SCOC: variants seen among roughly 807,000 people sequenced by gnomAD.
The protein encoded by SCOC is short coiled-coil protein, also known as short coiled coil protein.
In SCOC, 7 loss-of-function variants were observed where a neutral mutation model predicts 9.9. That is an observed-to-expected ratio of 0.71 (90% CI 0.40 to 1.33). The LOEUF (loss-of-function observed/expected upper bound fraction) is 1.33, where lower values mean the gene tolerates loss of function less well. SCOC is among the 40% of genes most tolerant of loss of function. The pLI is 0.01. For missense variants in SCOC, 66 were observed against 89.7 expected (o/e 0.74, Z 1.07); for synonymous variants, 19 against 28.2 (o/e 0.67, Z 1.03).
Position 140,297,659 on chromosome 4 carries a change from A to G in SCOC, c.-19+40249A>G, listed in dbSNP as rs181860341. 2.6e-5 allele frequency among the ~76,000 whole-genome samples: 4 copies of G among 152,350 alleles called. No homozygotes were observed. The East Asian group carries it at 7.7e-4, about 29-fold the overall frequency. ...AACTGATTTATTAATACATCAAGGAATAAGTGACTAATAAGGTGAACATTA... is the reference window on the plus strand; with the variant it reads ...AACTGATTTATTAATACATCAAGGAGTAAGTGACTAATAAGGTGAACATTA... On this transcript the variant is annotated intron_variant, in intron 1 of 4. Transcript: ENST00000394205.
intron 3 of SCOC, among the ~76,000 whole-genome samples, chr4:140,380,408 C>T (rs1728527094): frequency 6.6e-6 from 1 of 151,854 alleles, no homozygotes; most frequent in African/African-American, 2.4e-5. Context: ...CTATGTTGGC[C>T]AGGCTGGTCT....
chr4:140,374,363 C>T (rs1578882196), intron 1 of SCOC: 1 of 337,200 alleles, frequency 3.0e-6, no homozygotes, highest in Non-Finnish European at 5.9e-6. Context: ...TATTACGCAA[C>T]AATAAGGACA....
intron 1 of SCOC, among the ~76,000 whole-genome samples, chr4:140,295,934 A>G (rs1262593854): frequency 6.7e-6 from 1 of 149,894 alleles, no homozygotes; most frequent in East Asian, 2.0e-4. Context: ...CCGTCTCAAA[A>G]AAAAAAAAAA....
chr4:140,328,370 T>G (rs1732712446), intron 1 of SCOC, among the ~76,000 whole-genome samples: 1 of 152,158 alleles, frequency 6.6e-6, no homozygotes, highest in Admixed American at 6.6e-5. Flanking sequence ...AGCAAATTGA[T>G]GAACACAACC....
upstream of SCOC, among the ~76,000 whole-genome samples, chr4:140,370,042 G>A (rs559282037): frequency 2.0e-5 from 3 of 151,874 alleles, no homozygotes; most frequent in East Asian, 1.9e-4. Flanking sequence ...GCTGAGTCAT[G>A]CAAGAGCTGC....
chr4:140,373,693 C>T lies in SCOC; in HGVS notation c.-75C>T, dbSNP rs1315460752. ...GCCTGAGGTGTCGGCCGGATCCCTC[C>T]TTCTCCCGGCGCCTCAAGCGGAAGG... On this transcript the variant is annotated 5_prime_UTR_variant, in exon 1 of 4. Transcript: ENST00000608372. 3.9e-6 allele frequency: 6 copies of T among 1,549,666 alleles called. No homozygotes were observed. The highest frequency in any genetic ancestry group is 1.2e-5 in the South Asian group (1 of 84,016).
chr4:140,332,359 CTTTTTTTTTTTTTTTTTTTT>C (rs70943486), intron 1 of SCOC, among the ~76,000 whole-genome samples: 28,666 of 79,776 alleles, frequency 0.36, 4,232 homozygotes, highest in African/African-American at 0.53. Flanking sequence ...CTGGAGTCAT[CTTTTTTTTTTTTTTTTTTTT>C]TTTTTTTTTT....
At chr4:140,298,145 G>A (rs1252904436) in intron 1 of SCOC, among the ~76,000 whole-genome samples, 2 of 152,240 alleles carry the variant, frequency 1.3e-5, no homozygotes, top group East Asian at 1.9e-4. Context: ...TGGCCTCCCC[G>A]GAGGTGTCCA....
At chr4:140,301,545 T>C (rs772489991) in intron 1 of SCOC, among the ~76,000 whole-genome samples, 4 of 152,222 alleles carry the variant, frequency 2.6e-5, no homozygotes, top group Non-Finnish European at 4.4e-5. Context: ...AGATTCATGC[T>C]GAGGTGTCTT....
intron 2 of SCOC, among the ~76,000 whole-genome samples, chr4:140,355,247 A>T (rs1179233787): frequency 6.8e-6 from 1 of 147,188 alleles, no homozygotes; most frequent in Non-Finnish European, 1.5e-5. Flanking sequence ...ATATATATAT[A>T]TAATGTATAT....
chr4:140,320,067 G>GT (rs1214910152), intron 1 of SCOC, among the ~76,000 whole-genome samples: 8 of 152,192 alleles, frequency 5.3e-5, no homozygotes. Context: ...TTCCCAGATG[G>GT]TTAGGCATTC....
At chr4:140,319,452 C>G (rs113646573) in intron 1 of SCOC, among the ~76,000 whole-genome samples, 7 of 152,130 alleles carry the variant, frequency 4.6e-5, no homozygotes, top group African/African-American at 1.7e-4. Flanking sequence ...TTTCCTTGAG[C>G]CCATATGAAA....
intron 1 of SCOC, among the ~76,000 whole-genome samples, chr4:140,259,723 C>T (rs1730587105): frequency 6.6e-6 from 1 of 152,130 alleles, no homozygotes; most frequent in Non-Finnish European, 1.5e-5. Flanking sequence ...AATTAACTAG[C>T]TAAATAAATA....
upstream of SCOC, among the ~76,000 whole-genome samples, chr4:140,369,714 T>C (rs1440858851): frequency 6.6e-6 from 1 of 152,166 alleles, no homozygotes; most frequent in Non-Finnish European, 1.5e-5. Context: ...AAAAATGTAA[T>C]TTTGTGCCTT....
upstream of SCOC, among the ~76,000 whole-genome samples, chr4:140,340,828 G>A (rs902403728): frequency 2.6e-5 from 3 of 116,222 alleles, no homozygotes; most frequent in African/African-American, 3.7e-5. Flanking sequence ...GTCTCGCTCT[G>A]TTGCCCAGGC....
At chr4:140,295,721 C>T (rs1731608687) in intron 1 of SCOC, among the ~76,000 whole-genome samples, 1 of 151,762 alleles carries the variant, frequency 6.6e-6, no homozygotes, top group African/African-American at 2.4e-5. Context: ...GTGGGCGGAT[C>T]ACGAGGTCAG....
At chr4:140,346,255 A>G (rs975180778) in intron 2 of SCOC, among the ~76,000 whole-genome samples, 8 of 152,158 alleles carry the variant, frequency 5.3e-5, no homozygotes, top group African/African-American at 1.9e-4. Flanking sequence ...AACTGTAAGG[A>G]TTATAGGCCC....
At chr4:140,305,866 G>A (rs1165134508) in intron 1 of SCOC, among the ~76,000 whole-genome samples, 4 of 152,180 alleles carry the variant, frequency 2.6e-5, no homozygotes, top group Admixed American at 2.6e-4. Context: ...CCCACACAAC[G>A]CTAGAGTCAG....
At chr4:140,350,181 T>A (rs2126526421) in intron 2 of SCOC, among the ~76,000 whole-genome samples, 1 of 152,330 alleles carries the variant, frequency 6.6e-6, no homozygotes, top group South Asian at 2.1e-4. Flanking sequence ...AAGCTTTCCC[T>A]GATCTTCCCA....
Sources: allele counts gnomAD v4.1 joint callset (sites outside exome capture counted in the v4.1 genomes callset), GRCh38; gene constraint gnomAD v4.1.1; transcripts MANE v1.5; gene names NCBI Gene and HGNC (gene_info 2026-07-23, HGNC 2026-07-21).